Variants in TAF1B observed in about 807,000 individuals in gnomAD.
The protein encoded by TAF1B is TATA box-binding protein-associated factor RNA polymerase I subunit B.
A neutral mutation model predicts 83.9 loss-of-function variants in TAF1B; 61 were observed. That is an observed-to-expected ratio of 0.73 (90% confidence interval 0.59 to 0.90). The LOEUF (loss-of-function observed/expected upper bound fraction) is 0.90. Ranked by LOEUF, TAF1B falls within the 40% of genes least tolerant of loss-of-function variation. TAF1B has a pLI of 0.00. For missense variants in TAF1B, 625 were observed against 677.0 expected, an observed-to-expected ratio of 0.92 and a Z score of 0.85; for synonymous variants, 221 against 224.6, an observed-to-expected ratio of 0.98 and a Z score of 0.14.
chr2:9,870,138 A>G (rs1184586424), intron 6 of TAF1B, among the ~76,000 whole-genome samples: 1 of 152,174 alleles, frequency 6.6e-6, no homozygotes, highest in Non-Finnish European at 1.5e-5. Flanking sequence ...AAACTCTACA[A>G]ATCATTCTAT....
chr2:9,902,450 T>C (rs1665211109), intron 8 of TAF1B, among the ~76,000 whole-genome samples: 1 of 152,144 alleles, frequency 6.6e-6, no homozygotes. Context: ...CTTCTAACAG[T>C]ACAGAAGATG....
chr2:9,930,993 A>G (rs1333637341), intron 14 of TAF1B, among the ~76,000 whole-genome samples: 1 of 152,010 alleles, frequency 6.6e-6, no homozygotes, highest in Non-Finnish European at 1.5e-5. Context: ...ATTGCAACCC[A>G]TGCTATTTTT....
intron 5 of TAF1B, among the ~76,000 whole-genome samples, chr2:9,866,105 G>A (rs574360461): frequency 1.1e-3 from 164 of 150,348 alleles, no homozygotes; most frequent in African/African-American, 3.9e-3. Flanking sequence ...TTAAACTAAA[G>A]AGCTTCTGCA....
chr2:9,896,900 T>G (rs1224182108), intron 8 of TAF1B, among the ~76,000 whole-genome samples: 1 of 152,216 alleles, frequency 6.6e-6, no homozygotes, highest in Non-Finnish European at 1.5e-5. Context: ...GTGTGCAAAT[T>G]AAATTTTAGT....
intron 8 of TAF1B, among the ~76,000 whole-genome samples, chr2:9,883,186 C>T (rs1421306605): frequency 2.6e-5 from 4 of 152,040 alleles, no homozygotes; most frequent in Non-Finnish European, 4.4e-5. Flanking sequence ...AAGTTATTAC[C>T]GTGTTTCTAA....
intron 5 of TAF1B, among the ~76,000 whole-genome samples, chr2:9,868,068 C>T (rs374035008): frequency 1.3e-5 from 2 of 152,150 alleles, no homozygotes; most frequent in South Asian, 2.1e-4. Flanking sequence ...CCGGTTTCCT[C>T]GCCCATCCTT....
intron 2 of TAF1B, 48 bp downstream of exon 2, chr2:9,845,366 C>A: frequency 1.3e-6 from 2 of 1,497,748 alleles, no homozygotes; most frequent in Non-Finnish European, 1.9e-6. Flanking sequence ...TTAAAAATTG[C>A]CATTTCAGCC....
chr2:9,904,711 G>C, intron 8 of TAF1B, 148 bp from the exon 9 acceptor site: 1 of 724,246 alleles, frequency 1.4e-6, no homozygotes, highest in Non-Finnish European at 2.2e-6. Context: ...CCTGCCAGCA[G>C]TGCATAAGTG....
At chr2:9,892,907 C>A (rs1664914421) in intron 8 of TAF1B, among the ~76,000 whole-genome samples, 1 of 152,190 alleles carries the variant, frequency 6.6e-6, no homozygotes, top group Non-Finnish European at 1.5e-5. Context: ...CTTTTCTTTG[C>A]ATCCTTGCCA....
chr2:9,853,059 G>A (rs1386381787), intron 4 of TAF1B, among the ~76,000 whole-genome samples: 1 of 152,142 alleles, frequency 6.6e-6, no homozygotes, highest in African/African-American at 2.4e-5. Flanking sequence ...ATAGTGGGGG[G>A]GTTGTGATCT....
intron 8 of TAF1B, among the ~76,000 whole-genome samples, chr2:9,897,093 C>T (rs1665041643): frequency 6.6e-6 from 1 of 152,188 alleles, no homozygotes; most frequent in South Asian, 2.1e-4. Flanking sequence ...GCCCTATTTA[C>T]TTCTAGCAAA....
intron 12 of TAF1B, among the ~76,000 whole-genome samples, chr2:9,917,434 T>G (rs948508798): frequency 9.2e-5 from 14 of 152,098 alleles, no homozygotes; most frequent in Non-Finnish European, 1.5e-4. Flanking sequence ...TGGCTTCCTA[T>G]TTTTAATCTG....
At chr2:9,854,459 G>C in intron 5 of TAF1B, 38 bp downstream of exon 5, 2 of 1,484,156 alleles carry the variant, frequency 1.3e-6, no homozygotes, top group Non-Finnish European at 1.9e-6. Flanking sequence ...TAAAAAACAT[G>C]TCTGTTGAGA....
chr2:9,852,704 CT>C (rs1407455354), intron 4 of TAF1B, among the ~76,000 whole-genome samples: 2 of 152,156 alleles, frequency 1.3e-5, no homozygotes, highest in Non-Finnish European at 2.9e-5. Context: ...GTTGCTCAGC[CT>C]GGGCTCAAAC....
Position 9,922,910 on chromosome 2 carries a change from A to G in TAF1B, c.1565+3090A>G, listed in dbSNP as rs982602122. Among the ~76,000 whole-genome samples the G allele has an allele frequency of 7.9e-5, 12 of 152,186 alleles. No homozygotes were observed. In the East Asian group the frequency reaches 2.3e-3, roughly 29 times the overall value. On this transcript the variant is annotated intron_variant, in intron 14 of 14. Transcript: ENST00000263663. ...AAGTACTCAATCAAACATAAGTATG[A>G]CCATTATTATTTTAAACAAAGCTAA...
intron 4 of TAF1B, among the ~76,000 whole-genome samples, chr2:9,853,792 T>C (rs1663474574): frequency 6.6e-6 from 1 of 152,184 alleles, no homozygotes; most frequent in Admixed American, 6.5e-5. Context: ...TCACTATCAC[T>C]TGGGACTGGT....
chr2:9,922,478 C>A (rs76462075), intron 14 of TAF1B, among the ~76,000 whole-genome samples: 1 of 152,220 alleles, frequency 6.6e-6, no homozygotes, highest in East Asian at 1.9e-4. Flanking sequence ...GGGCTCACTT[C>A]TTTCAGGTTT....
chr2:9,927,115 A>G (rs1356267095), intron 14 of TAF1B, among the ~76,000 whole-genome samples: 5 of 148,782 alleles, frequency 3.4e-5, no homozygotes, highest in African/African-American at 7.5e-5. Flanking sequence ...GTGAGAACAT[A>G]TGGTGTTTGG....
At chr2:9,897,939 C>T (rs537418517) in intron 8 of TAF1B, among the ~76,000 whole-genome samples, 73 of 152,178 alleles carry the variant, frequency 4.8e-4, no homozygotes, top group African/African-American at 1.7e-3. Flanking sequence ...GGAGAGAAGC[C>T]AGCTGGTGTT....
Sources: allele counts gnomAD v4.1 joint callset (sites outside exome capture counted in the v4.1 genomes callset), GRCh38; gene constraint gnomAD v4.1.1; transcripts MANE v1.5; gene names NCBI Gene and HGNC (gene_info 2026-07-23, HGNC 2026-07-21).